KCND3: variants seen among roughly 807,000 people sequenced by gnomAD.
The protein encoded by KCND3 is A-type voltage-gated potassium channel KCND3.
KCND3 carries 9 observed loss-of-function variants against 51.1 expected under a neutral mutation model. The ratio of observed to expected loss-of-function variants is 0.18; its 90% CI spans 0.11 to 0.31. The LOEUF (loss-of-function observed/expected upper bound fraction) is 0.31. KCND3 is among the 10% of genes least tolerant of loss of function. KCND3 has a pLI of 1.00. For synonymous variants in KCND3, 349 were observed against 368.0 expected (o/e 0.95, Z 0.59); for missense variants, 526 against 903.8 (o/e 0.58, Z 5.36).
chr1:111,900,754 C>T (rs970004606), intron 2 of KCND3, among the ~76,000 whole-genome samples: 4 of 151,902 alleles, frequency 2.6e-5, no homozygotes, highest in Non-Finnish European at 4.4e-5. Context: ...GTCAGGAATT[C>T]GAGACCAGCC....
At chr1:111,812,102 G>A (rs544166109) in intron 2 of KCND3, among the ~76,000 whole-genome samples, 1 of 152,168 alleles carries the variant, frequency 6.6e-6, no homozygotes, top group Non-Finnish European at 1.5e-5. Flanking sequence ...TGATGCTTGT[G>A]GGGTGTCGGG....
chr1:111,816,899 A>T (rs77635626), intron 2 of KCND3, among the ~76,000 whole-genome samples: 2,733 of 152,290 alleles, frequency 0.018, 76 homozygotes, highest in African/African-American at 0.061. Flanking sequence ...CTTGGAAGCA[A>T]CTGAGCTCTG....
intron 2 of KCND3, among the ~76,000 whole-genome samples, chr1:111,837,901 T>A (rs942731894): frequency 6.6e-6 from 1 of 152,142 alleles, no homozygotes; most frequent in African/African-American, 2.4e-5. Flanking sequence ...TGTTCCCCAA[T>A]TGGAATTTGT....
intron 2 of KCND3, among the ~76,000 whole-genome samples, chr1:111,892,007 G>A (rs1005736312): frequency 2.0e-5 from 3 of 151,620 alleles, no homozygotes; most frequent in Non-Finnish European, 4.4e-5. Flanking sequence ...TGTGTTGGAG[G>A]AGAGCAAAAA....
At chr1:111,858,453 T>G (rs1246563597) in intron 2 of KCND3, among the ~76,000 whole-genome samples, 1 of 152,240 alleles carries the variant, frequency 6.6e-6, no homozygotes, top group Non-Finnish European at 1.5e-5. Flanking sequence ...TTTGCTTTCA[T>G]GGTCCCATTT....
At chr1:111,985,274 C>G (rs1007721344) in intron 1 of KCND3, among the ~76,000 whole-genome samples, 2 of 152,186 alleles carry the variant, frequency 1.3e-5, no homozygotes, top group African/African-American at 4.8e-5. Context: ...CACCGACAAC[C>G]CTGAGGGGTA....
At chr1:111,941,261 C>T (rs545861831) in intron 2 of KCND3, among the ~76,000 whole-genome samples, 1 of 152,128 alleles carries the variant, frequency 6.6e-6, no homozygotes, top group Non-Finnish European at 1.5e-5. Context: ...GGAAGGGTGT[C>T]GGCTCTGTGT....
chr1:111,915,289 C>T (rs1275282653), intron 2 of KCND3, among the ~76,000 whole-genome samples: 1 of 151,592 alleles, frequency 6.6e-6, no homozygotes. Context: ...ATTAAGTATA[C>T]CTAATCTAAA....
chr1:111,868,244 C>T lies in KCND3; in HGVS notation c.1107-81138G>A, dbSNP rs559543995. Among the ~76,000 whole-genome samples the T allele has an allele frequency of 6.6e-5, 10 of 152,318 alleles. No homozygotes were observed. The South Asian group carries it at 2.1e-3, about 32-fold the overall frequency. ...ATGCTGTCCTGCTCATGCTGTCTGG[C>T]TCCAACCTGCCCGGGATGAGAACCT... On this transcript the variant is annotated intron_variant, in intron 2 of 7. Coordinates refer to ENST00000302127, the MANE Select transcript of KCND3 (RefSeq NM_001378969.1).
intron 2 of KCND3, among the ~76,000 whole-genome samples, chr1:111,815,681 A>T (rs1001814304): frequency 6.6e-6 from 1 of 151,676 alleles, no homozygotes; most frequent in Non-Finnish European, 1.5e-5. Context: ...TTCTTGTTAC[A>T]TTGAGAACTG....
At chr1:111,858,104 T>C (rs1186255383) in intron 2 of KCND3, among the ~76,000 whole-genome samples, 1 of 152,196 alleles carries the variant, frequency 6.6e-6, no homozygotes, top group African/African-American at 2.4e-5. Context: ...CCTTCAAACA[T>C]GTGGCTGCCC....
intron 2 of KCND3, among the ~76,000 whole-genome samples, chr1:111,966,674 A>C (rs1199765830): frequency 1.3e-5 from 2 of 152,120 alleles, no homozygotes; most frequent in Non-Finnish European, 2.9e-5. Context: ...GAGTCCCCTA[A>C]TGACTTCCCT....
intron 2 of KCND3, among the ~76,000 whole-genome samples, chr1:111,971,658 C>A (rs1323669130): frequency 6.6e-6 from 1 of 152,146 alleles, no homozygotes; most frequent in Non-Finnish European, 1.5e-5. Flanking sequence ...CATCTTTCCA[C>A]CTGTCTGCCA....
chr1:111,838,494 A>G (rs1370216737), intron 2 of KCND3, among the ~76,000 whole-genome samples: 1 of 152,102 alleles, frequency 6.6e-6, no homozygotes, highest in Non-Finnish European at 1.5e-5. Context: ...CGTCTCTACT[A>G]AAAATACAAA....
chr1:111,905,372 T>G (rs1379917350), intron 2 of KCND3, among the ~76,000 whole-genome samples: 1 of 152,198 alleles, frequency 6.6e-6, no homozygotes, highest in East Asian at 1.9e-4. Flanking sequence ...ACCACAGCCC[T>G]GTGAGGAACT....
chr1:111,973,711 C>A (rs762669318), intron 2 of KCND3, among the ~76,000 whole-genome samples: 11 of 152,142 alleles, frequency 7.2e-5, no homozygotes, highest in Non-Finnish European at 1.3e-4. Flanking sequence ...GAGCTGAATC[C>A]CAAAGAATGG....
At chr1:111,841,096 T>C (rs1667301806) in intron 2 of KCND3, among the ~76,000 whole-genome samples, 1 of 152,242 alleles carries the variant, frequency 6.6e-6, no homozygotes, top group Non-Finnish European at 1.5e-5. Flanking sequence ...AAAAAATTTA[T>C]CAGCTCTTCT....
chr1:111,914,306 G>A (rs1275929473), intron 2 of KCND3, among the ~76,000 whole-genome samples: 3 of 149,328 alleles, frequency 2.0e-5, no homozygotes, highest in Non-Finnish European at 3.0e-5. Context: ...TCGGTGACCT[G>A]TAGGAAAGTA....
chr1:111,924,769 A>T (rs1332655044), intron 2 of KCND3, among the ~76,000 whole-genome samples: 2 of 152,216 alleles, frequency 1.3e-5, no homozygotes, highest in Non-Finnish European at 2.9e-5. Context: ...GCTGCCTTGC[A>T]TCTGACTCTT....
Sources: gnomAD v4.1 joint callset for allele counts (sites outside exome capture counted in the v4.1 genomes callset) on GRCh38, gnomAD v4.1.1 for gene constraint, MANE v1.5 for transcripts, NCBI Gene and HGNC (gene_info 2026-07-23, HGNC 2026-07-21) for gene names.